DACH2: variants seen among roughly 807,000 people sequenced by gnomAD.
The protein encoded by DACH2 is dachshund family transcription factor 2.
Under a neutral mutation model 35.8 loss-of-function variants are expected in DACH2, and 17 were observed. The observed-to-expected ratio is 0.48, with a 90% CI of 0.33 to 0.71. The LOEUF (loss-of-function observed/expected upper bound fraction) is 0.71, where lower values mean the gene tolerates loss of function less well. Ranked by LOEUF, DACH2 falls within the 30% of genes least tolerant of loss-of-function variation. The pLI is 0.02. For missense variants in DACH2, 469 were observed against 472.7 expected, an observed-to-expected ratio of 0.99 and a Z score of 0.07; for synonymous variants, 195 against 177.3, an observed-to-expected ratio of 1.10 and a Z score of -0.79.
chrX:86,814,833 A>T lies in DACH2; in HGVS notation c.1683A>T (p.Lys561Asn). 2 of 1,202,918 alleles carry T rather than the reference A, an allele frequency of 1.7e-6. No homozygotes were observed. Among genetic ancestry groups the T allele is most frequent in the Admixed American group, 2.2e-5 (1 of 44,782 alleles). The change falls in exon 10 of 12, where the codon AAA becomes AAT. Residue 561 changes from lysine to asparagine, a missense_variant and splice_region_variant. By Grantham distance (94) the Lys-to-Asn change is moderately conservative. This residue lies in a region of DACH2 where 363 missense variants were observed against 334.4 expected (regional missense o/e 1.09). Coordinates refer to ENST00000373125, the MANE Select transcript of DACH2 (RefSeq NM_053281.3). Reference sequence around the variant, plus strand: ...GTGACAGTGGCCTGAGGATGTTAAAAGGTAATGTCTGATTTGGATTTTCAC... The same window carrying T: ...GTGACAGTGGCCTGAGGATGTTAAATGGTAATGTCTGATTTGGATTTTCAC... ...TTSDSGLRMLKDTGIPDIEIE... is the reference protein window; with the variant it reads ...TTSDSGLRMLNDTGIPDIEIE...
At chrX:86,335,214 T>C (rs1443974552) in intron 1 of DACH2, among the ~76,000 whole-genome samples, 3 of 111,656 alleles carry the variant, frequency 2.7e-5, no homozygotes, top group Non-Finnish European at 3.8e-5. Context: ...CTTTGTTCTT[T>C]TTGCTTCTTG....
At chrX:86,329,360 G>A (rs948075604) in intron 1 of DACH2, among the ~76,000 whole-genome samples, 1 of 110,922 alleles carries the variant, frequency 9.0e-6, no homozygotes, top group African/African-American at 3.3e-5. Flanking sequence ...CAGTGGGGGT[G>A]GAAGAGTGAA....
At chrX:86,313,389 T>A (rs1209609605) in intron 1 of DACH2, among the ~76,000 whole-genome samples, 1 of 111,692 alleles carries the variant, frequency 9.0e-6, no homozygotes, top group Non-Finnish European at 1.9e-5. Flanking sequence ...TCAAAGTAAA[T>A]GAAACTGCAT....
At chrX:86,500,646 C>T (rs1227270721) in intron 2 of DACH2, among the ~76,000 whole-genome samples, 2 of 110,874 alleles carry the variant, frequency 1.8e-5, no homozygotes, top group Non-Finnish European at 3.8e-5. Context: ...GATTAATCAC[C>T]AATTTTAGAG....
chrX:86,274,129 C>T (rs1312445601), intron 1 of DACH2, among the ~76,000 whole-genome samples: 1 of 49,757 alleles, frequency 2.0e-5, no homozygotes, highest in Non-Finnish European at 3.2e-5. Flanking sequence ...GGTCAACAGC[C>T]CCTTAGAGAT....
chrX:86,240,570 G>A (rs1471585361), intron 1 of DACH2, among the ~76,000 whole-genome samples: 7 of 108,962 alleles, frequency 6.4e-5, no homozygotes, highest in Admixed American at 9.9e-5. Context: ...GTGGGCTCTA[G>A]TGATTCTCTG....
At chrX:86,786,420 A>G (rs191752562) in intron 7 of DACH2, among the ~76,000 whole-genome samples, 1 of 111,926 alleles carries the variant, frequency 8.9e-6, no homozygotes, top group African/African-American at 3.2e-5. Flanking sequence ...CCAAGCCACG[A>G]GCCATATGCC....
intron 3 of DACH2, among the ~76,000 whole-genome samples, chrX:86,546,354 T>TTCC (rs57200715): frequency 4.4e-5 from 3 of 67,422 alleles, no homozygotes; most frequent in Non-Finnish European, 8.8e-5. Flanking sequence ...CTTCTTCTTC[T>TTCC]TCCTCTTCTT....
chrX:86,454,857 G>T (rs199955073), intron 2 of DACH2, among the ~76,000 whole-genome samples: 5 of 111,914 alleles, frequency 4.5e-5, no homozygotes, highest in South Asian at 3.7e-4. Context: ...AGGCACTCTG[G>T]TTTTTTTGAA....
chrX:86,703,360 C>T (rs768465720), intron 5 of DACH2, among the ~76,000 whole-genome samples: 15 of 111,099 alleles, frequency 1.4e-4, no homozygotes, highest in Non-Finnish European at 1.1e-4. Flanking sequence ...AGAACTGGAA[C>T]GAGAGAAGGT....
intron 2 of DACH2, among the ~76,000 whole-genome samples, chrX:86,479,664 C>A (rs747349814): frequency 9.0e-5 from 10 of 111,698 alleles, no homozygotes; most frequent in Non-Finnish European, 1.5e-4. Context: ...GTTTTAAAAT[C>A]CTTTTTGCTT....
At chrX:86,313,699 C>A (rs1356648359) in intron 1 of DACH2, among the ~76,000 whole-genome samples, 3 of 111,221 alleles carry the variant, frequency 2.7e-5, no homozygotes, top group East Asian at 2.8e-4. Context: ...CTTTTTGTTC[C>A]TTTTTTAACA....
At chrX:86,748,276 T>C (rs941123344) in intron 7 of DACH2, among the ~76,000 whole-genome samples, 1 of 112,093 alleles carries the variant, frequency 8.9e-6, no homozygotes, top group Non-Finnish European at 1.9e-5. Flanking sequence ...TAACATTTAG[T>C]ATGGTGAATT....
At chrX:86,730,250 A>C (rs2148472437) in intron 6 of DACH2, among the ~76,000 whole-genome samples, 1 of 111,865 alleles carries the variant, frequency 8.9e-6, no homozygotes, top group Admixed American at 9.5e-5. Flanking sequence ...AAATGACTGG[A>C]TATACAAATC....
intron 3 of DACH2, among the ~76,000 whole-genome samples, chrX:86,570,303 C>T (rs1341251880): frequency 9.0e-6 from 1 of 111,342 alleles, no homozygotes; most frequent in African/African-American, 3.3e-5. Flanking sequence ...TTCATTGCAG[C>T]ACTATTCACA....
chrX:86,723,534 T>C (rs1304323743), intron 6 of DACH2, among the ~76,000 whole-genome samples: 1 of 111,928 alleles, frequency 8.9e-6, no homozygotes, highest in Non-Finnish European at 1.9e-5. Flanking sequence ...GATTTCCTTC[T>C]TAATTTCTTC....
chrX:86,394,931 G>A (rs945477204), intron 2 of DACH2, among the ~76,000 whole-genome samples: 3 of 111,689 alleles, frequency 2.7e-5, no homozygotes, highest in Non-Finnish European at 3.8e-5. Flanking sequence ...AAAGTGCTCT[G>A]TGCGTAGGAA....
intron 6 of DACH2, among the ~76,000 whole-genome samples, chrX:86,727,689 C>T (rs1222394188): frequency 9.0e-6 from 1 of 110,812 alleles, no homozygotes; most frequent in East Asian, 2.8e-4. Flanking sequence ...CCATCACATT[C>T]TCTTGCTCCT....
chrX:86,360,304 A>G (rs761942879), intron 1 of DACH2, among the ~76,000 whole-genome samples: 28 of 111,189 alleles, frequency 2.5e-4, no homozygotes, highest in East Asian at 1.4e-3. Context: ...CTCTTTCCCA[A>G]GGATTTTCCC....
Sources: allele counts gnomAD v4.1 joint callset (sites outside exome capture counted in the v4.1 genomes callset), GRCh38; gene constraint gnomAD v4.1.1; regional missense constraint gnomAD v4.1.1; transcripts MANE v1.5; gene names NCBI Gene and HGNC (gene_info 2026-07-23, HGNC 2026-07-21).